Variants in NIM1K observed in about 807,000 individuals in gnomAD.
NIM1K encodes the protein NIM1 serine/threonine protein kinase.
NIM1K carries 35 observed loss-of-function variants against 37.1 expected under a neutral mutation model. The observed-to-expected ratio is 0.94, with a 90% CI of 0.72 to 1.25. The LOEUF (loss-of-function observed/expected upper bound fraction) is 1.25, where lower values mean the gene tolerates loss of function less well. NIM1K is among the 50% of genes most tolerant of loss of function. The pLI is 0.00. For synonymous variants in NIM1K, 234 were observed against 206.6 expected (o/e 1.13, Z -1.14); for missense variants, 564 against 548.0 (o/e 1.03, Z -0.29).
At chr5:43,262,717 C>A (rs1753052041) in intron 2 of NIM1K, among the ~76,000 whole-genome samples, 1 of 152,072 alleles carries the variant, frequency 6.6e-6, no homozygotes, top group African/African-American at 2.4e-5. Context: ...CAGTTTTTGC[C>A]CATTCCATAT....
At chr5:43,219,158 G>A (rs1329872769) in intron 1 of NIM1K, among the ~76,000 whole-genome samples, 5 of 152,044 alleles carry the variant, frequency 3.3e-5, no homozygotes, top group Non-Finnish European at 5.9e-5. Context: ...CAGCCCTGTG[G>A]AACCATGAAT....
In NIM1K at chr5:43,280,381, T is replaced by C. The variant is rs765414879; in HGVS notation, c.963T>C (p.Asn321=). ...GGTACGGAATCGACTGCATCATGAA[T>C]GATGAATGGATGCAAGGGGTGCCAT... ...TERYGIDCIM[N]DEWMQGVPYP... The change falls in exon 4 of 4, where the codon AAT becomes AAC. Residue 321 remains asparagine (N), a synonymous_variant. Coordinates refer to ENST00000326035, the MANE Select transcript of NIM1K (RefSeq NM_153361.4). The C allele has an allele frequency of 6.2e-7, 1 of 1,614,152 alleles. No individual in the cohort carries two copies. The highest frequency in any genetic ancestry group is 1.1e-5 in the South Asian group (1 of 91,080).
intron 2 of NIM1K, among the ~76,000 whole-genome samples, chr5:43,250,680 C>T (rs1208548728): frequency 6.6e-6 from 1 of 152,120 alleles, no homozygotes; most frequent in Admixed American, 6.5e-5. Flanking sequence ...AAAATCGAGA[C>T]AGAAGATGTG....
At chr5:43,264,193 A>G (rs1025164771) in intron 2 of NIM1K, among the ~76,000 whole-genome samples, 12 of 152,248 alleles carry the variant, frequency 7.9e-5, no homozygotes, top group Admixed American at 5.9e-4. Context: ...TTTCTGTCTC[A>G]TTGATCTGTC....
chr5:43,206,924 C>A, intron 1 of NIM1K: 1 of 769,568 alleles, frequency 1.3e-6, no homozygotes, highest in Admixed American at 1.7e-5. Context: ...GCTGGATCTT[C>A]AGAGTTACAA....
intron 2 of NIM1K, among the ~76,000 whole-genome samples, chr5:43,267,081 G>A (rs1055223504): frequency 3.9e-5 from 6 of 152,106 alleles, no homozygotes; most frequent in African/African-American, 1.4e-4. Context: ...TCTGGCCCTA[G>A]GCTTTTTTGT....
intron 2 of NIM1K, among the ~76,000 whole-genome samples, chr5:43,274,020 C>A (rs533201187): frequency 6.6e-6 from 1 of 152,098 alleles, no homozygotes; most frequent in Non-Finnish European, 1.5e-5. Flanking sequence ...TACCACCTAG[C>A]GACAATGTGG....
At position 43,245,703 on chromosome 5, in the gene NIM1K, C is replaced by A; in HGVS notation, c.-73C>A. The A allele has an allele frequency of 7.0e-7, 1 of 1,430,980 alleles. No individual in the cohort carries two copies. The highest frequency in any genetic ancestry group is 9.4e-7 in the Non-Finnish European group (1 of 1,060,166). 88.6% of individuals were successfully genotyped at this position (1,430,980 alleles called of 1,614,324 possible). A position where few individuals can be genotyped will look rare whatever the true frequency, so the allele number is the denominator to read the frequency against. On this transcript the variant is annotated 5_prime_UTR_variant, in exon 2 of 4. Transcript: ENST00000326035. The stretch of plus-strand genomic sequence containing the variant: ...CCTGCTGTCCTCAGTTGGCATCTCC[C>A]ACCCTCTGAGCCTCTTCTGCTCCTG...
At chr5:43,233,545 T>A (rs1752572915) in intron 1 of NIM1K, among the ~76,000 whole-genome samples, 1 of 152,220 alleles carries the variant, frequency 6.6e-6, no homozygotes, top group African/African-American at 2.4e-5. Flanking sequence ...CTTTTCCTTA[T>A]CCATAGCCAT....
intron 2 of NIM1K, among the ~76,000 whole-genome samples, chr5:43,262,198 G>A (rs1001595029): frequency 1.3e-5 from 2 of 152,144 alleles, no homozygotes; most frequent in African/African-American, 4.8e-5. Context: ...ATTACCTTGG[G>A]CAGAATGACC....
Position 43,280,465 on chromosome 5 carries a change from T to C in NIM1K, c.1047T>C (p.Thr349=). The C allele has an allele frequency of 6.2e-7, 1 of 1,614,154 alleles. No homozygotes were observed. The highest frequency in any genetic ancestry group is 1.1e-5 in the South Asian group (1 of 91,074). The part of the protein sequence containing the change: ...LDPKHLSETS[T]LKEEENEVKS... ...CCAAACATTTGTCGGAAACCAGCAC[T>C]CTCAAGGAAGAAGAAAATGAGGTCA... Residue 349 remains threonine (T), a synonymous_variant, in exon 4 of 4, where the codon ACT becomes ACC. Coordinates refer to ENST00000326035, the MANE Select transcript of NIM1K (RefSeq NM_153361.4).
chr5:43,278,035 C>CCTTT (rs72012232), intron 3 of NIM1K, among the ~76,000 whole-genome samples: 72 of 143,456 alleles, frequency 5.0e-4, no homozygotes, highest in Non-Finnish European at 9.0e-5. Flanking sequence ...TTCCTTCCTT[C>CCTTT]CTTTCTTTCT....
chr5:43,227,385 T>A (rs983626542), intron 1 of NIM1K, among the ~76,000 whole-genome samples: 1 of 151,830 alleles, frequency 6.6e-6, no homozygotes, highest in African/African-American at 2.4e-5. Flanking sequence ...AAAATAAAAA[T>A]AAAAAATAAA....
intron 2 of NIM1K, among the ~76,000 whole-genome samples, chr5:43,266,377 G>T (rs1408524962): frequency 6.6e-6 from 1 of 152,216 alleles, no homozygotes; most frequent in African/African-American, 2.4e-5. Flanking sequence ...AGACTGCTGT[G>T]CTAGCAGTGA....
At chr5:43,274,247 ACTAGGGTGGTG>A (rs1753304665) in intron 2 of NIM1K, among the ~76,000 whole-genome samples, 1 of 152,166 alleles carries the variant, frequency 6.6e-6, no homozygotes, top group Non-Finnish European at 1.5e-5. Flanking sequence ...GAAAAAGAAA[ACTAGGGTGGTG>A]CTAAAGGGAC....
In NIM1K at chr5:43,192,408, G is replaced by C. The variant is rs1263430212; in HGVS notation, c.-698G>C. The C allele has an allele frequency of 6.6e-6, 1 of 152,424 alleles. No homozygotes were observed. Among genetic ancestry groups the C allele is most frequent in the African/African-American group, 2.4e-5 (1 of 41,476 alleles). 9.4% of individuals were successfully genotyped at this position (152,424 alleles called of 1,614,324 possible). A position where few individuals can be genotyped will look rare whatever the true frequency, so the allele number is the denominator to read the frequency against. On this transcript the variant is annotated 5_prime_UTR_variant, in exon 1 of 4. Transcript: ENST00000326035. ...GAAGCCCAAGAGCTGGCCTCGCCAC[G>C]AAGGTAAGCGAGGGGCTGGGGGACT...
At chr5:43,274,132 G>A (rs528775184) in intron 2 of NIM1K, among the ~76,000 whole-genome samples, 41 of 152,246 alleles carry the variant, frequency 2.7e-4, no homozygotes, top group African/African-American at 9.4e-4. Context: ...AGGCACCTAG[G>A]GCAGAGGATT....
intron 2 of NIM1K, among the ~76,000 whole-genome samples, chr5:43,268,876 G>A (rs531207918): frequency 1.3e-5 from 2 of 152,272 alleles, no homozygotes; most frequent in Non-Finnish European, 2.9e-5. Flanking sequence ...GAGGGAGGTT[G>A]GCTAGATCAG....
At chr5:43,223,607 C>A (rs1417970557) in intron 1 of NIM1K, among the ~76,000 whole-genome samples, 1 of 152,150 alleles carries the variant, frequency 6.6e-6, no homozygotes, top group African/African-American at 2.4e-5. Flanking sequence ...ACCAACAGCT[C>A]TCTTCTTATT....
Sources: gnomAD v4.1 joint callset for allele counts (sites outside exome capture counted in the v4.1 genomes callset) on GRCh38, gnomAD v4.1.1 for gene constraint, MANE v1.5 for transcripts, NCBI Gene and HGNC (gene_info 2026-07-23, HGNC 2026-07-21) for gene names.